DAGLB: variants seen among roughly 807,000 people sequenced by gnomAD.
DAGLB encodes the protein diacylglycerol lipase beta, also known as diacylglycerol lipase-beta.
Under a neutral mutation model 72.1 loss-of-function variants are expected in DAGLB, and 66 were observed. The ratio of observed to expected loss-of-function variants is 0.92; its 90% confidence interval spans 0.75 to 1.12. The LOEUF (loss-of-function observed/expected upper bound fraction) is 1.12, where lower values mean the gene tolerates loss of function less well. Ranked by LOEUF, DAGLB falls within the 50% of genes most tolerant of loss-of-function variation. DAGLB has a pLI of 0.00. For missense variants in DAGLB, 1,065 were observed against 884.9 expected, an observed-to-expected ratio of 1.20 and a Z score of -2.58; for synonymous variants, 414 against 359.5, an observed-to-expected ratio of 1.15 and a Z score of -1.71.
Position 6,409,563 on chromosome 7 carries a change from A to G in DAGLB, c.*274T>C. ...CAGTCCTCAGACAGCCAAGGGATCC[A>G]TCCACGGGCCAGGGCTTCCCGAGGC... is the stretch of plus-strand genomic sequence containing the variant. On this transcript the variant is annotated 3_prime_UTR_variant, in exon 15 of 15. Coordinates refer to ENST00000297056, the MANE Select transcript of DAGLB (RefSeq NM_139179.4). 1 of 508,274 alleles carries G rather than the reference A, an allele frequency of 2.0e-6. No individual in the cohort carries two copies. Among genetic ancestry groups the G allele is most frequent in the Non-Finnish European group, 3.6e-6 (1 of 281,264 alleles). 31.5% of individuals were successfully genotyped at this position (508,274 alleles called of 1,614,324 possible).
chr7:6,430,534 G>A lies in DAGLB; in HGVS notation c.875C>T (p.Pro292Leu), dbSNP rs376201358. ...MQFAAAAYGWPLYIYRNPLTG... is the reference protein window; with the variant it reads ...MQFAAAAYGWLLYIYRNPLTG... ...GAGGGGGTTTCTGTAGATGTAGAGG[G>A]GCCACCCATAGGCCGCTGCTGCAAA... is the stretch of plus-strand genomic sequence containing the variant. Residue 292 changes from proline to leucine, a missense_variant, in exon 6 of 15, where the codon CCC becomes CTC. Pro to Leu is a moderately conservative substitution (Grantham distance 98, BLOSUM62 -3). Transcript: ENST00000297056. 454 of 1,600,906 alleles carry A rather than the reference G, an allele frequency of 2.8e-4. No individual in the cohort carries two copies. Among genetic ancestry groups the A allele is most frequent in the Non-Finnish European group, 3.6e-4 (425 of 1,171,388 alleles).
chr7:6,409,770 A>C lies in DAGLB; in HGVS notation c.*67T>G. ...TTTTGGCGTCATGGGAACTCCTCGG[A>C]TGGTAAGTCAGTTTAAGGACAAAAG... On this transcript the variant is annotated 3_prime_UTR_variant, in exon 15 of 15. Coordinates refer to ENST00000297056, the MANE Select transcript of DAGLB (RefSeq NM_139179.4). 1 of 1,544,538 alleles carries C rather than the reference A, an allele frequency of 6.5e-7. No individual in the cohort carries two copies. Among genetic ancestry groups the C allele is most frequent in the Non-Finnish European group, 8.8e-7 (1 of 1,138,914 alleles).
At chr7:6,420,326 G>A (rs1176584380) in intron 9 of DAGLB, among the ~76,000 whole-genome samples, 1 of 151,926 alleles carries the variant, frequency 6.6e-6, no homozygotes, top group Non-Finnish European at 1.5e-5. Flanking sequence ...TGTAGTCCCA[G>A]TTACTTGGGA....
intron 2 of DAGLB, among the ~76,000 whole-genome samples, chr7:6,441,421 C>CTTT: frequency 9.4e-6 from 1 of 106,326 alleles, no homozygotes; most frequent in South Asian, 3.1e-4. Context: ...ACATTTTTTT[C>CTTT]TTTTTTTTTT....
At chr7:6,429,833 A>G (rs1274073581) in intron 6 of DAGLB, among the ~76,000 whole-genome samples, 1 of 151,998 alleles carries the variant, frequency 6.6e-6, no homozygotes, top group Non-Finnish European at 1.5e-5. Context: ...TCACGAGGTC[A>G]GGAGATCGAG....
intron 6 of DAGLB, among the ~76,000 whole-genome samples, chr7:6,429,854 C>A (rs1784423540): frequency 6.6e-6 from 1 of 152,050 alleles, no homozygotes; most frequent in South Asian, 2.1e-4. Context: ...ACCATCCTGG[C>A]TAACACGGTG....
intron 11 of DAGLB, among the ~76,000 whole-genome samples, chr7:6,413,743 C>T (rs1783812258): frequency 6.6e-6 from 1 of 152,224 alleles, no homozygotes; most frequent in African/African-American, 2.4e-5. Context: ...AAACACCCAT[C>T]CACAGAACTG....
intron 5 of DAGLB, among the ~76,000 whole-genome samples, chr7:6,431,740 C>T (rs1382035039): frequency 6.6e-6 from 1 of 152,052 alleles, no homozygotes; most frequent in Non-Finnish European, 1.5e-5. Context: ...CCATTGCACT[C>T]CAGCCTGGGT....
intron 2 of DAGLB, 66 bp downstream of exon 2, chr7:6,445,887 T>A: frequency 1.4e-6 from 2 of 1,474,576 alleles, no homozygotes; most frequent in South Asian, 2.8e-5. Context: ...AATTGTATGG[T>A]ATGTGAATTA....
intron 11 of DAGLB, among the ~76,000 whole-genome samples, chr7:6,415,659 AC>A (rs1783884429): frequency 6.6e-6 from 1 of 151,414 alleles, no homozygotes; most frequent in African/African-American, 2.4e-5. Context: ...CCTGGCTAAC[AC>A]GGTGAAACCC....
intron 2 of DAGLB, among the ~76,000 whole-genome samples, chr7:6,438,433 T>G (rs1784731612): frequency 6.6e-6 from 1 of 152,024 alleles, no homozygotes; most frequent in South Asian, 2.1e-4. Flanking sequence ...AGACAAAATT[T>G]TATAAGCTAA....
chr7:6,430,462 C>T lies in DAGLB; in HGVS notation c.929+18G>A. 2.7e-6 allele frequency: 4 copies of T among 1,493,648 alleles called. No homozygotes were observed. The highest frequency in any genetic ancestry group is 2.7e-6 in the Non-Finnish European group (3 of 1,112,548). The allele number at this position is 1,493,648 out of a possible 1,614,324, so 92.5% of individuals were successfully genotyped here. ...TAAGGGAAATATGGCTATGGAGGCT[C>T]AGACTGTGCCAACCCACCAGTCACC... On this transcript the variant is annotated intron_variant, in intron 6 of 14. Transcript: ENST00000297056.
At chr7:6,443,343 G>A (rs111983639) in intron 2 of DAGLB, among the ~76,000 whole-genome samples, 72 of 150,242 alleles carry the variant, frequency 4.8e-4, no homozygotes, top group African/African-American at 1.6e-3. Context: ...ATCTCAGCTA[G>A]TTGGGAGGCT....
At chr7:6,420,679 T>C (rs1784085038) in intron 9 of DAGLB, among the ~76,000 whole-genome samples, 1 of 151,846 alleles carries the variant, frequency 6.6e-6, no homozygotes, top group South Asian at 2.1e-4. Flanking sequence ...AACTATACAC[T>C]AACGACCAAC....
At position 6,416,657 on chromosome 7, in the gene DAGLB, T is replaced by C; in HGVS notation, c.1397A>G (p.Tyr466Cys). 3.1e-6 allele frequency: 5 copies of C among 1,613,264 alleles called. No individual in the cohort carries two copies. Among genetic ancestry groups the C allele is most frequent in the Non-Finnish European group, 4.2e-6 (5 of 1,179,650 alleles). The part of the protein sequence containing the change: ...LRAAYPQVRC[Y>C]AFSPPRGLWS... ...CAGCCCCCGGGGTGGGGAGAAGGCG[T>C]AGCACCTGACCTGCGGGTAGGCGGC... is the stretch of plus-strand genomic sequence containing the variant. Residue 466 changes from tyrosine to cysteine, a missense_variant, in exon 11 of 15, where the codon TAC becomes TGC. Transcript: ENST00000297056.
intron 6 of DAGLB, among the ~76,000 whole-genome samples, chr7:6,429,894 A>T (rs1216555972): frequency 2.0e-5 from 3 of 151,974 alleles, no homozygotes; most frequent in African/African-American, 7.3e-5. Context: ...AATACAAAAA[A>T]TTAGCCAGCA....
In DAGLB at chr7:6,410,149, C is replaced by T. The variant is rs1446313804; in HGVS notation, c.1801G>A (p.Glu601Lys). 2 of 1,576,614 alleles carry T rather than the reference C, an allele frequency of 1.3e-6. No individual in the cohort carries two copies. The highest frequency in any genetic ancestry group is 1.7e-6 in the Non-Finnish European group (2 of 1,158,256). ...YPPGRIIHLQ[E>K]EGASGRFGCC... ...ACTCACCGCCCCGAGGCGCCCTCCT[C>T]CTGCAGGTGGATGATCCTGCCGGGA... The change falls in exon 14 of 15, where the codon GAG (glutamate) becomes AAG (lysine). Residue 601 changes from glutamate (E) to lysine (K), a missense_variant. Coordinates refer to ENST00000297056, the MANE Select transcript of DAGLB (RefSeq NM_139179.4).
chr7:6,434,470 A>G (rs1170842334), intron 4 of DAGLB, among the ~76,000 whole-genome samples: 1 of 152,142 alleles, frequency 6.6e-6, no homozygotes, highest in African/African-American at 2.4e-5. Context: ...CTCAAAGGGT[A>G]CAGCGTCCGT....
chr7:6,412,080 C>G (rs1783747867), intron 13 of DAGLB, among the ~76,000 whole-genome samples: 1 of 152,026 alleles, frequency 6.6e-6, no homozygotes, highest in South Asian at 2.1e-4. Context: ...ACCCCTGGCT[C>G]ATTTTTGTAT....
Sources: gnomAD v4.1 joint callset for allele counts (sites outside exome capture counted in the v4.1 genomes callset) on GRCh38, gnomAD v4.1.1 for gene constraint, MANE v1.5 for transcripts, NCBI Gene and HGNC (gene_info 2026-07-23, HGNC 2026-07-21) for gene names.